The following KLHL4 variants were observed in gnomAD, a reference collection of about 807,000 sequenced individuals.
KLHL4 encodes the protein kelch like family member 4.
In KLHL4, 17 loss-of-function variants were observed where a neutral mutation model predicts 45.8. The ratio of observed to expected loss-of-function variants is 0.37; its 90% CI spans 0.25 to 0.56. The LOEUF (loss-of-function observed/expected upper bound fraction) is 0.56, where lower values mean the gene tolerates loss of function less well. Ranked by LOEUF, KLHL4 falls within the 20% of genes least tolerant of loss-of-function variation. The pLI, the probability that KLHL4 is intolerant of heterozygous loss-of-function variation, is 0.79. For missense variants in KLHL4, 544 were observed against 544.9 expected, an observed-to-expected ratio of 1.00 and a Z score of 0.02; for synonymous variants, 224 against 189.9, an observed-to-expected ratio of 1.18 and a Z score of -1.47.
At chrX:87,556,758 C>T (rs1931986606) in intron 1 of KLHL4, among the ~76,000 whole-genome samples, 1 of 97,873 alleles carries the variant, frequency 1.0e-5, no homozygotes. Context: ...TTCTGAGATT[C>T]TGAGAAAGTG....
rs898155974 is a variant in KLHL4 at position 87,599,070 on chromosome X, T to C, written c.423-14807T>C. Among the ~76,000 whole-genome samples the C allele has an allele frequency of 4.5e-5, 5 of 110,181 alleles. No individual in the cohort carries two copies. The East Asian group carries it at 1.1e-3, about 25-fold the overall frequency. Reference sequence around the variant, plus strand: ...TTGTTGTATAAGTTATCAAAATTAATATATTTTATTTTATATATAATATAT... The same window carrying C: ...TTGTTGTATAAGTTATCAAAATTAACATATTTTATTTTATATATAATATAT... On this transcript the variant is annotated intron_variant, in intron 1 of 10. Transcript: ENST00000373119.
At chrX:87,541,366 T>TCCCAGCTC (rs1556020641) in intron 1 of KLHL4, among the ~76,000 whole-genome samples, 1 of 107,168 alleles carries the variant, frequency 9.3e-6, no homozygotes, top group Non-Finnish European at 1.9e-5. Flanking sequence ...ACACCTGTAG[T>TCCCAGCTC]CCCAGCTACT....
At chrX:87,591,460 CATT>C (rs761775827) in intron 1 of KLHL4, among the ~76,000 whole-genome samples, 57 of 111,695 alleles carry the variant, frequency 5.1e-4, no homozygotes, top group Non-Finnish European at 9.2e-4. Flanking sequence ...ACATTGTACT[CATT>C]ATGTAATTTC....
Position 87,646,730 on chromosome X carries a change from A to T in KLHL4, c.1925+10955A>T, listed in dbSNP as rs774484063. Among the ~76,000 whole-genome samples, 4 of 111,906 alleles carry T rather than the reference A, an allele frequency of 3.6e-5. No individual in the cohort carries two copies. In the East Asian group the frequency reaches 1.1e-3, roughly 32 times the overall value. On this transcript the variant is annotated intron_variant, in intron 9 of 10. Coordinates refer to ENST00000373119, the MANE Select transcript of KLHL4 (RefSeq NM_019117.5). ...AAACTGGATCCTCATCTCTAACCCT[A>T]TAGAAAAATCAAGTCAAGATGGATC...
In KLHL4 at chrX:87,518,026, G is replaced by A. The variant is rs762961474; in HGVS notation, c.133G>A (p.Gly45Arg). The A allele has an allele frequency of 4.1e-6, 5 of 1,211,451 alleles. No individual in the cohort carries two copies. The South Asian group carries it at 8.8e-5, about 21-fold the overall frequency. ...CLQQEGYEHR[G>R]TPVQGRLKSH... ...TCAGCAGGAAGGATATGAGCATAGA[G>A]GGACCCCGGTTCAGGGCAGGTTGAA... is the stretch of plus-strand genomic sequence containing the variant. Residue 45 changes from glycine (G) to arginine (R), a missense_variant, in exon 1 of 11, where the codon GGG (glycine) becomes AGG (arginine). Transcript: ENST00000373119.
chrX:87,555,988 T>C (rs1389319159), intron 1 of KLHL4, among the ~76,000 whole-genome samples: 1 of 110,366 alleles, frequency 9.1e-6, no homozygotes, highest in African/African-American at 3.3e-5. Context: ...CCAGTAATCA[T>C]TCAGGAGCAG....
chrX:87,573,903 G>A (rs1366965308), intron 1 of KLHL4, among the ~76,000 whole-genome samples: 1 of 111,668 alleles, frequency 9.0e-6, no homozygotes, highest in African/African-American at 3.2e-5. Context: ...GGTATTGAAT[G>A]ATTTCAGTAT....
intron 1 of KLHL4, among the ~76,000 whole-genome samples, chrX:87,572,416 CTCTT>C (rs1376896847): frequency 9.0e-6 from 1 of 110,962 alleles, no homozygotes; most frequent in Non-Finnish European, 1.9e-5. Context: ...AGCTCTCTCT[CTCTT>C]TCTCTCTATT....
chrX:87,604,510 T>A (rs1392974246), intron 1 of KLHL4, among the ~76,000 whole-genome samples: 1 of 111,030 alleles, frequency 9.0e-6, no homozygotes, highest in Non-Finnish European at 1.9e-5. Flanking sequence ...TGATTAGTGT[T>A]TCCTTGATAA....
intron 1 of KLHL4, among the ~76,000 whole-genome samples, chrX:87,612,218 CACTT>C (rs1167669135): frequency 8.9e-6 from 1 of 111,796 alleles, no homozygotes; most frequent in Admixed American, 9.5e-5. Flanking sequence ...ACTCACCATT[CACTT>C]ACTTACCCCC....
chrX:87,667,689 C>T lies in KLHL4; in HGVS notation c.*1155C>T. 1.6e-6 allele frequency: 1 copy of T among 623,579 alleles called. No individual in the cohort carries two copies. Among genetic ancestry groups the T allele is most frequent in the Non-Finnish European group, 1.9e-6 (1 of 521,086 alleles). 51.4% of individuals were successfully genotyped at this position (623,579 alleles called of 1,213,427 possible). On this transcript the variant is annotated 3_prime_UTR_variant, in exon 11 of 11. Transcript: ENST00000373119. ...CTTCCATTTATTCTGTTTAATTATA[C>T]AACTAAGATGAAATATTGAAAAACC... is the stretch of plus-strand genomic sequence containing the variant.
chrX:87,618,744 C>A (rs1355703657), intron 4 of KLHL4, among the ~76,000 whole-genome samples: 1 of 111,387 alleles, frequency 9.0e-6, no homozygotes, highest in Non-Finnish European at 1.9e-5. Flanking sequence ...TGTGATCCAC[C>A]TGCCTCAGCC....
chrX:87,652,787 C>A, intron 9 of KLHL4, among the ~76,000 whole-genome samples: 1 of 112,119 alleles, frequency 8.9e-6, no homozygotes, highest in Middle Eastern at 4.2e-3. Flanking sequence ...GTTCCAAATT[C>A]ACTTCCACAT....
chrX:87,642,953 C>A (rs1180638981), intron 9 of KLHL4, among the ~76,000 whole-genome samples: 1 of 111,808 alleles, frequency 8.9e-6, no homozygotes, highest in Non-Finnish European at 1.9e-5. Flanking sequence ...GAAGAGAATT[C>A]TAAAAGCTTA....
intron 9 of KLHL4, among the ~76,000 whole-genome samples, chrX:87,658,395 T>C (rs773862870): frequency 9.0e-6 from 1 of 111,528 alleles, no homozygotes; most frequent in Admixed American, 9.5e-5. Flanking sequence ...ATAGTTAGGA[T>C]ATTTATTGGC....
chrX:87,625,803 ATAACT>A lies in KLHL4; in HGVS notation c.1324+10_1324+14del, dbSNP rs1217518187. 9.4e-6 allele frequency: 11 copies of A among 1,174,280 alleles called. No homozygotes were observed. In the Admixed American group the frequency reaches 1.6e-4, roughly 17 times the overall value. ...GGCATGGATGCTATGAAAGGTAAAA[ATAACT>A]TAGAGTGTCTTCATTCAAAAAAGAT... On this transcript the variant is annotated splice_region_variant and intron_variant, in intron 6 of 10. Coordinates refer to ENST00000373119, the MANE Select transcript of KLHL4 (RefSeq NM_019117.5).
chrX:87,614,107 G>A (rs1922474814), intron 2 of KLHL4, 63 bp downstream of exon 2: 2 of 786,393 alleles, frequency 2.5e-6, no homozygotes, highest in Non-Finnish European at 3.7e-6. Context: ...GAGATAATGA[G>A]TACATGGATT....
intron 6 of KLHL4, among the ~76,000 whole-genome samples, chrX:87,629,243 G>A (rs756068400): frequency 5.4e-4 from 60 of 111,341 alleles, no homozygotes; most frequent in African/African-American, 1.8e-3. Context: ...CTGGGGCAGA[G>A]AGTTATTCAT....
chrX:87,537,450 G>A (rs888037900), intron 1 of KLHL4, among the ~76,000 whole-genome samples: 1 of 109,836 alleles, frequency 9.1e-6, no homozygotes, highest in Non-Finnish European at 1.9e-5. Context: ...ACAATGATTC[G>A]ATGACAGTCA....
Sources: allele counts gnomAD v4.1 joint callset (sites outside exome capture counted in the v4.1 genomes callset), GRCh38; gene constraint gnomAD v4.1.1; transcripts MANE v1.5; gene names NCBI Gene and HGNC (gene_info 2026-07-23, HGNC 2026-07-21).